Variants in CENPE observed in about 807,000 individuals in gnomAD.
CENPE encodes the protein centromere-associated protein E.
A neutral mutation model predicts 336.1 loss-of-function variants in CENPE; 145 were observed. That is an observed-to-expected ratio of 0.43 (90% CI 0.38 to 0.50). The LOEUF (loss-of-function observed/expected upper bound fraction) is 0.50, where lower values mean the gene tolerates loss of function less well. CENPE is among the 20% of genes least tolerant of loss of function. The pLI is 0.00. For missense variants in CENPE, 2,719 were observed against 3,023.3 expected (o/e 0.90, Z 2.36); for synonymous variants, 1,013 against 984.8 (o/e 1.03, Z -0.54).
intron 13 of CENPE, among the ~76,000 whole-genome samples, chr4:103,177,688 T>A (rs1441345053): frequency 6.6e-6 from 1 of 151,954 alleles, no homozygotes; most frequent in African/African-American, 2.4e-5. Context: ...TCAGAGCCTA[T>A]CCATGCAACC....
chr4:103,140,899 T>C lies in CENPE; in HGVS notation c.5669A>G (p.Glu1890Gly), dbSNP rs1043390829. 1.2e-6 allele frequency: 2 copies of C among 1,612,560 alleles called. No individual in the cohort carries two copies. Among genetic ancestry groups the C allele is most frequent in the African/African-American group, 2.7e-5 (2 of 74,836 alleles). ...NLEEMKSVMK[E>G]RDNLRRVEET... The stretch of plus-strand genomic sequence containing the variant: ...CTCTACTCTTCTTAGATTATCTCTT[T>C]CTTTCATTACAGATTTCATTTCTTC... The change falls in exon 36 of 49, where the codon GAA becomes GGA. Residue 1890 changes from glutamate to glycine, a missense_variant. Transcript: ENST00000265148.
intron 35 of CENPE, 41 bp downstream of exon 35, chr4:103,141,709 C>G (rs375658089): frequency 1.4e-6 from 2 of 1,397,272 alleles, no homozygotes; most frequent in Non-Finnish European, 2.0e-6. Context: ...TAGGCACAAA[C>G]AAATTAGATA....
At chr4:103,124,266 A>G (rs971246744) in intron 42 of CENPE, among the ~76,000 whole-genome samples, 1 of 152,222 alleles carries the variant, frequency 6.6e-6, no homozygotes, top group African/African-American at 2.4e-5. Context: ...ACATTCTAAA[A>G]CAGTACTTTA....
intron 8 of CENPE, among the ~76,000 whole-genome samples, chr4:103,189,784 C>T (rs1757136278): frequency 6.6e-6 from 1 of 152,140 alleles, no homozygotes; most frequent in African/African-American, 2.4e-5. Flanking sequence ...GTTGGAAGTT[C>T]TGGCCAGAGC....
chr4:103,106,611 T>C (rs1748925208), intron 48 of CENPE, among the ~76,000 whole-genome samples: 1 of 152,230 alleles, frequency 6.6e-6, no homozygotes, highest in Non-Finnish European at 1.5e-5. Flanking sequence ...CACGGGCTGA[T>C]TGAGTTTTCT....
At chr4:103,109,596 ACTCT>A in intron 47 of CENPE, among the ~76,000 whole-genome samples, 1 of 151,990 alleles carries the variant, frequency 6.6e-6, no homozygotes. Flanking sequence ...TAGAGACCTC[ACTCT>A]CTTTTATTTT....
intron 35 of CENPE, 38 bp from the exon 36 acceptor site, chr4:103,141,142 T>C (rs1244418554): frequency 8.3e-7 from 1 of 1,201,788 alleles, no homozygotes; most frequent in South Asian, 1.5e-5. Context: ...AGGTGGCTTT[T>C]TAGGGACAGA....
rs376945561 is a variant in CENPE, at chr4:103,135,126, A to T, written c.6522+1015T>A. 2.6e-5 allele frequency among the ~76,000 whole-genome samples: 4 copies of T among 152,126 alleles called. No homozygotes were observed. In the East Asian group the frequency reaches 7.7e-4, roughly 29 times the overall value. ...TCCCTTTTCTGCTACTGCCTCTTAG[A>T]CATTTATCTTTTCCAGAGTTCTGTT... On this transcript the variant is annotated intron_variant, in intron 40 of 48. Coordinates refer to ENST00000265148, the MANE Select transcript of CENPE (RefSeq NM_001813.3).
At chr4:103,157,729 A>T (rs1754076230) in intron 24 of CENPE, among the ~76,000 whole-genome samples, 1 of 151,980 alleles carries the variant, frequency 6.6e-6, no homozygotes, top group Non-Finnish European at 1.5e-5. Flanking sequence ...ATTTTATGTT[A>T]TGTGTATTTT....
chr4:103,121,778 C>T (rs1277454061), intron 43 of CENPE, among the ~76,000 whole-genome samples: 1 of 151,816 alleles, frequency 6.6e-6, no homozygotes, highest in Non-Finnish European at 1.5e-5. Context: ...CCAAGCTTAT[C>T]TTAAACTCCT....
In CENPE at chr4:103,153,291, T is replaced by A. The variant is rs892512150; in HGVS notation, c.3034-41A>T. The A allele has an allele frequency of 2.6e-5, 34 of 1,332,604 alleles. No homozygotes were observed. The Admixed American group carries it at 7.3e-4, about 29-fold the overall frequency. 82.5% of individuals were successfully genotyped at this position (1,332,604 alleles called of 1,614,324 possible). On this transcript the variant is annotated intron_variant, in intron 24 of 48. Coordinates refer to ENST00000265148, the MANE Select transcript of CENPE (RefSeq NM_001813.3). ...ATTACAGAAGAATTTCTTAAGTAGT[T>A]AACAACAACTTTAAAAAATAATAAA...
intron 42 of CENPE, among the ~76,000 whole-genome samples, chr4:103,127,368 A>G (rs908094110): frequency 1.3e-5 from 2 of 152,116 alleles, no homozygotes; most frequent in African/African-American, 4.8e-5. Flanking sequence ...TCAAAAGTAA[A>G]GTAGAAATAA....
chr4:103,143,614 A>G (rs1008520419), intron 33 of CENPE, among the ~76,000 whole-genome samples: 5 of 152,092 alleles, frequency 3.3e-5, no homozygotes, highest in African/African-American at 1.2e-4. Flanking sequence ...CACCCTTCAA[A>G]TCAGCACTAT....
intron 23 of CENPE, 23 bp from the exon 24 acceptor site, chr4:103,158,481 C>G: frequency 6.6e-7 from 1 of 1,522,830 alleles, no homozygotes; most frequent in Non-Finnish European, 8.8e-7. Context: ...AATATAAAAA[C>G]AATTTCCATT....
At position 103,145,325 on chromosome 4, in the gene CENPE, T is replaced by G; in HGVS notation, c.4582A>C (p.Ile1528Leu). 6.5e-7 allele frequency: 1 copy of G among 1,534,582 alleles called. No homozygotes were observed. Among genetic ancestry groups the G allele is most frequent in the Non-Finnish European group, 8.9e-7 (1 of 1,117,952 alleles). ...NDKLQNKIQE[I>L]YEKEEQFNIK... ...TTAAATTGTTCCTCTTTCTCATAAA[T>G]CTCTTGGATCTTAAACATAATTATA... Residue 1528 changes from isoleucine to leucine, a missense_variant, in exon 32 of 49, where the codon ATT becomes CTT. This residue lies in a region of CENPE where 2,437 missense variants were observed against 2,513.3 expected (regional missense o/e 0.97). Coordinates refer to ENST00000265148, the MANE Select transcript of CENPE (RefSeq NM_001813.3).
chr4:103,117,860 T>C (rs2125857161), intron 44 of CENPE, among the ~76,000 whole-genome samples: 1 of 152,250 alleles, frequency 6.6e-6, no homozygotes, highest in Admixed American at 6.5e-5. Flanking sequence ...AATCCTGATC[T>C]CAGGTGATCC....
rs564916383 is a variant in CENPE, at chr4:103,187,477, G to C, written c.694-1616C>G. ...AGCAGAAACTCTACAAGCCAGAAGA[G>C]AGTGGGGGCCAATATTCAACATTCT... On this transcript the variant is annotated intron_variant, in intron 8 of 48. Coordinates refer to ENST00000265148, the MANE Select transcript of CENPE (RefSeq NM_001813.3). Among the ~76,000 whole-genome samples, 27 of 149,288 alleles carry C rather than the reference G, an allele frequency of 1.8e-4. No homozygotes were observed. In the South Asian group the frequency reaches 3.5e-3, roughly 19 times the overall value.
At chr4:103,120,440 A>T in intron 43 of CENPE, 107 bp from the exon 44 acceptor site, 1 of 911,526 alleles carries the variant, frequency 1.1e-6, no homozygotes, top group Middle Eastern at 2.6e-4. Context: ...TTTTTCACAG[A>T]TTGTATTAAC....
At position 103,183,939 on chromosome 4, in the gene CENPE, T is replaced by C. The variant is rs1389940656; in HGVS notation, c.746-651A>G. Among the ~76,000 whole-genome samples, 9 of 152,340 alleles carry C rather than the reference T, an allele frequency of 5.9e-5. No homozygotes were observed. In the South Asian group the frequency reaches 1.4e-3, roughly 25 times the overall value. ...GCAACATATCTTGGAAAAATTTCCA[T>C]ATCGGTAAACACTGATCTTTTTCAT... is the stretch of plus-strand genomic sequence containing the variant. On this transcript the variant is annotated intron_variant, in intron 9 of 48. Coordinates refer to ENST00000265148, the MANE Select transcript of CENPE (RefSeq NM_001813.3).
Sources: allele counts gnomAD v4.1 joint callset (sites outside exome capture counted in the v4.1 genomes callset), GRCh38; gene constraint gnomAD v4.1.1; regional missense constraint gnomAD v4.1.1; transcripts MANE v1.5; gene names NCBI Gene and HGNC (gene_info 2026-07-23, HGNC 2026-07-21).